Variants in TXNDC11 observed in about 807,000 individuals in gnomAD.
TXNDC11 encodes the protein thioredoxin domain containing 11, also known as thioredoxin domain-containing protein 11.
A neutral mutation model predicts 78.0 loss-of-function variants in TXNDC11; 68 were observed. The observed-to-expected ratio is 0.87, with a 90% CI of 0.72 to 1.07. The LOEUF (loss-of-function observed/expected upper bound fraction) is 1.07. TXNDC11 is among the 50% of genes least tolerant of loss of function. TXNDC11 has a pLI of 0.00. For synonymous variants in TXNDC11, 571 were observed against 495.2 expected, an observed-to-expected ratio of 1.15 and a Z score of -2.03; for missense variants, 1,389 against 1,221.8, an observed-to-expected ratio of 1.14 and a Z score of -2.04.
chr16:11,681,037 T>C (rs955197008), intron 11 of TXNDC11, among the ~76,000 whole-genome samples: 1 of 152,064 alleles, frequency 6.6e-6, no homozygotes, highest in Admixed American at 6.5e-5. Flanking sequence ...CCAGGCAAGG[T>C]GGCACACACC....
chr16:11,692,357 C>T (rs1022092559), intron 7 of TXNDC11: 2 of 365,108 alleles, frequency 5.5e-6, no homozygotes, highest in African/African-American at 4.1e-5. Context: ...TACTTAGTAG[C>T]CAACGCAGTT....
chr16:11,692,729 C>CT (rs1273566136), intron 7 of TXNDC11, among the ~76,000 whole-genome samples: 1 of 152,090 alleles, frequency 6.6e-6, no homozygotes, highest in African/African-American at 2.4e-5. Flanking sequence ...GAGATGGTTA[C>CT]TATATTTTTA....
chr16:11,689,233 C>T (rs1448205433), intron 8 of TXNDC11, among the ~76,000 whole-genome samples: 1 of 152,074 alleles, frequency 6.6e-6, no homozygotes, highest in African/African-American at 2.4e-5. Flanking sequence ...GGACTACAGG[C>T]GTCCACCATT....
At chr16:11,726,062 T>C (rs1597482430) in intron 4 of TXNDC11, among the ~76,000 whole-genome samples, 3 of 152,120 alleles carry the variant, frequency 2.0e-5, no homozygotes, top group East Asian at 1.9e-4. Context: ...CATTTTGTTA[T>C]AGACACAGGG....
chr16:11,742,594 C>G lies in TXNDC11; in HGVS notation c.137G>C (p.Gly46Ala), dbSNP rs1248391964. The G allele has an allele frequency of 6.9e-7, 1 of 1,457,648 alleles. No individual in the cohort carries two copies. The highest frequency in any genetic ancestry group is 2.5e-5 in the Admixed American group (1 of 39,866). 90.3% of individuals were successfully genotyped at this position (1,457,648 alleles called of 1,614,324 possible). ...SPTLATASSA[G>A]RLRRGLRGAF... ...GCCACGCAGCCCGCGACGGAGCCGG[C>G]CCGCCGAGGACGCTGTGGCCAGGGT... Residue 46 changes from glycine (G) to alanine (A), a missense_variant, in exon 1 of 12, where the codon GGC becomes GCC. Gly to Ala is a moderately conservative substitution (Grantham distance 60). Coordinates refer to ENST00000283033, the MANE Select transcript of TXNDC11 (RefSeq NM_015914.7).
intron 5 of TXNDC11, among the ~76,000 whole-genome samples, chr16:11,715,120 C>T (rs1054776215): frequency 2.0e-5 from 3 of 152,016 alleles, no homozygotes; most frequent in Non-Finnish European, 4.4e-5. Context: ...GGCCTAGTGG[C>T]GTGTGCCTGT....
chr16:11,727,753 ATAAACT>A (rs1167370541), intron 4 of TXNDC11, among the ~76,000 whole-genome samples: 1 of 151,150 alleles, frequency 6.6e-6, no homozygotes, highest in African/African-American at 2.4e-5. Context: ...TTATAAGCAG[ATAAACT>A]TTTAACTATT....
At chr16:11,719,942 GGAA>G (rs1249742123) in intron 5 of TXNDC11, among the ~76,000 whole-genome samples, 13 of 152,196 alleles carry the variant, frequency 8.5e-5, no homozygotes, top group Admixed American at 7.9e-4. Context: ...GCACATTCCA[GGAA>G]GAAGGACTAG....
chr16:11,733,681 T>C (rs2052126287), intron 3 of TXNDC11, among the ~76,000 whole-genome samples: 1 of 152,252 alleles, frequency 6.6e-6, no homozygotes, highest in African/African-American at 2.4e-5. Flanking sequence ...TTACGATATC[T>C]GAAATGCATT....
chr16:11,719,931 G>C (rs1004635174), intron 5 of TXNDC11, among the ~76,000 whole-genome samples: 4 of 152,184 alleles, frequency 2.6e-5, no homozygotes, highest in African/African-American at 9.7e-5. Flanking sequence ...TAGGGGTGGA[G>C]GCACATTCCA....
At chr16:11,704,016 C>T (rs185076775) in intron 5 of TXNDC11, among the ~76,000 whole-genome samples, 3 of 152,154 alleles carry the variant, frequency 2.0e-5, no homozygotes, top group South Asian at 2.1e-4. Context: ...TGCTTGAACC[C>T]GGGAGGTGCA....
At chr16:11,724,151 T>C (rs768644566) in intron 4 of TXNDC11, among the ~76,000 whole-genome samples, 13 of 151,940 alleles carry the variant, frequency 8.6e-5, no homozygotes, top group Non-Finnish European at 1.8e-4. Flanking sequence ...GGCGTGATGG[T>C]GGGCACCTGT....
At position 11,689,471 on chromosome 16, in the gene TXNDC11, T is replaced by C. The variant is rs2287200; in HGVS notation, c.1901-1026A>G. ...TAAAGCCTAAATTCTGAAACTAGCC[T>C]AGAGACAGCTGATTTATGAGTTAAG... On this transcript the variant is annotated intron_variant, in intron 8 of 11. Transcript: ENST00000283033. 1.2e-3 allele frequency among the ~76,000 whole-genome samples: 180 copies of C among 152,360 alleles called. 4 individuals carry two copies. The East Asian group carries it at 0.031, about 26-fold the overall frequency.
Position 11,688,355 on chromosome 16 carries a change from A to G in TXNDC11, c.1991T>C (p.Leu664Ser). Residue 664 changes from leucine (L) to serine (S), a missense_variant, in exon 9 of 12, where the codon TTA becomes TCA. Coordinates refer to ENST00000283033, the MANE Select transcript of TXNDC11 (RefSeq NM_015914.7). ...GGTATCAGTTGTCACTTCAGTGATT[A>G]AATGCTGAGACGGGAACTGGGCAGA... ...SGSAQFPSQHLITEVTTDTFW... is the reference protein window; with the variant it reads ...SGSAQFPSQHSITEVTTDTFW... 1 of 1,614,204 alleles carries G rather than the reference A, an allele frequency of 6.2e-7. No homozygotes were observed. The highest frequency in any genetic ancestry group is 8.5e-7 in the Non-Finnish European group (1 of 1,180,018).
In TXNDC11 at chr16:11,692,145, G is replaced by C. The variant is rs1034293354; in HGVS notation, c.1108-63C>G. ...TGACTGAGGGACTAGCACCCCGTTA[G>C]CCACGTTTCACTTTCTGTAATTTCA... is the stretch of plus-strand genomic sequence containing the variant. On this transcript the variant is annotated intron_variant, in intron 7 of 11. Coordinates refer to ENST00000283033, the MANE Select transcript of TXNDC11 (RefSeq NM_015914.7). 39 of 1,311,036 alleles carry C rather than the reference G, an allele frequency of 3.0e-5. No individual in the cohort carries two copies. In the East Asian group the frequency reaches 8.3e-4, roughly 28 times the overall value. The allele number at this position is 1,311,036 out of a possible 1,614,324, so 81.2% of individuals were successfully genotyped here.
chr16:11,694,551 G>A (rs922941330), intron 7 of TXNDC11, among the ~76,000 whole-genome samples: 3 of 151,818 alleles, frequency 2.0e-5, no homozygotes, highest in East Asian at 1.9e-4. Context: ...AGGTTCAAGC[G>A]TTTCTCCTGC....
intron 11 of TXNDC11, among the ~76,000 whole-genome samples, chr16:11,680,294 T>C (rs1357669447): frequency 1.3e-5 from 2 of 152,238 alleles, no homozygotes; most frequent in East Asian, 1.9e-4. Context: ...ACTTGAAAGA[T>C]ACCCAGTCTG....
chr16:11,684,373 G>C, intron 10 of TXNDC11, 128 bp from the exon 11 acceptor site: 2 of 635,714 alleles, frequency 3.1e-6, no homozygotes, highest in South Asian at 3.7e-5. Flanking sequence ...GTCCCTTCTC[G>C]ATGAATGTAC....
intron 9 of TXNDC11, 126 bp from the exon 10 acceptor site, chr16:11,688,092 T>C (rs2050614231): frequency 1.1e-6 from 1 of 943,892 alleles, no homozygotes; most frequent in East Asian, 2.6e-5. Flanking sequence ...ACAGTGAAAA[T>C]TTTCATCTTT....
Sources: gnomAD v4.1 joint callset for allele counts (sites outside exome capture counted in the v4.1 genomes callset) on GRCh38, gnomAD v4.1.1 for gene constraint, MANE v1.5 for transcripts, NCBI Gene and HGNC (gene_info 2026-07-23, HGNC 2026-07-21) for gene names.